Variants in CERS6 observed in about 807,000 individuals in gnomAD.
CERS6 encodes LAG1 homolog, ceramide synthase 6.
A neutral mutation model predicts 56.8 loss-of-function variants in CERS6; 26 were observed. The observed-to-expected ratio is 0.46, with a 90% CI of 0.34 to 0.63. CERS6 has a LOEUF of 0.63. Among genes scored for constraint, CERS6 ranks in the 30% least tolerant of loss-of-function variants. The pLI is 0.01. For synonymous variants in CERS6, 164 were observed against 173.3 expected (o/e 0.95, Z 0.42); for missense variants, 415 against 467.5 (o/e 0.89, Z 1.04).
At chr2:168,601,819 A>T (rs1240649329) in intron 3 of CERS6, among the ~76,000 whole-genome samples, 1 of 152,080 alleles carries the variant, frequency 6.6e-6, no homozygotes, top group Non-Finnish European at 1.5e-5. Context: ...CATAGTGCTG[A>T]GATTACAGGC....
At chr2:168,624,229 A>G (rs1684539171) in intron 3 of CERS6, among the ~76,000 whole-genome samples, 1 of 152,196 alleles carries the variant, frequency 6.6e-6, no homozygotes, top group South Asian at 2.1e-4. Context: ...AAGAGTAAAC[A>G]AAGTCTTATT....
At chr2:168,744,746 C>T (rs574968622) in intron 8 of CERS6, among the ~76,000 whole-genome samples, 1 of 152,290 alleles carries the variant, frequency 6.6e-6, no homozygotes, top group South Asian at 2.1e-4. Flanking sequence ...CATCATGTCT[C>T]TACTGAGAGC....
chr2:168,486,562 G>A (rs78893518), intron 1 of CERS6, among the ~76,000 whole-genome samples: 9,870 of 145,638 alleles, frequency 0.068, 376 homozygotes, highest in East Asian at 0.16. Flanking sequence ...TAATTGTTCC[G>A]GAACCATTTG....
chr2:168,664,435 G>C (rs1459019037), intron 4 of CERS6, among the ~76,000 whole-genome samples: 2 of 152,164 alleles, frequency 1.3e-5, no homozygotes, highest in African/African-American at 4.8e-5. Context: ...TGGATCTTGT[G>C]CAAGAAAGAA....
intron 1 of CERS6, among the ~76,000 whole-genome samples, chr2:168,531,106 G>C (rs1000409563): frequency 6.6e-6 from 1 of 152,148 alleles, no homozygotes; most frequent in African/African-American, 2.4e-5. Flanking sequence ...TAGGATTCAG[G>C]CTGTTTATTC....
intron 1 of CERS6, among the ~76,000 whole-genome samples, chr2:168,517,261 T>C (rs544920255): frequency 6.6e-6 from 1 of 151,282 alleles, no homozygotes; most frequent in Non-Finnish European, 1.5e-5. Context: ...GGAGGCAGAG[T>C]TGGGTGGATC....
chr2:168,540,741 A>AT (rs905717145), intron 1 of CERS6, among the ~76,000 whole-genome samples: 8 of 152,164 alleles, frequency 5.3e-5, no homozygotes, highest in African/African-American at 1.9e-4. Flanking sequence ...TGTATTTCAA[A>AT]TTATTTTTCC....
intron 3 of CERS6, among the ~76,000 whole-genome samples, chr2:168,573,421 G>C (rs377086065): frequency 6.6e-6 from 1 of 152,174 alleles, no homozygotes; most frequent in South Asian, 2.1e-4. Context: ...TTTTATGATA[G>C]ATTTGGGGGA....
chr2:168,731,266 C>A (rs1683524431), intron 8 of CERS6, among the ~76,000 whole-genome samples: 1 of 152,148 alleles, frequency 6.6e-6, no homozygotes, highest in South Asian at 2.1e-4. Flanking sequence ...AGCCTCCTAC[C>A]TGCTAATTCT....
At chr2:168,535,619 A>G (rs1469006966) in intron 1 of CERS6, among the ~76,000 whole-genome samples, 3 of 147,238 alleles carry the variant, frequency 2.0e-5, no homozygotes, top group African/African-American at 7.5e-5. Flanking sequence ...TCAGATCGCC[A>G]CTGTTTATAG....
At chr2:168,476,987 A>G (rs1694083379) in intron 1 of CERS6, among the ~76,000 whole-genome samples, 1 of 152,132 alleles carries the variant, frequency 6.6e-6, no homozygotes, top group Non-Finnish European at 1.5e-5. Context: ...CTATGACAAA[A>G]TACCATAGAC....
In CERS6 at chr2:168,624,925, C is replaced by G. The variant is rs979077666; in HGVS notation, c.408-6060C>G. On this transcript the variant is annotated intron_variant, in intron 3 of 9. Coordinates refer to ENST00000305747, the MANE Select transcript of CERS6 (RefSeq NM_203463.3). ...GTGATTTATGTATTTTAAAGTAACACTAGATTGAAGTCTATATTTGTTCCT... is the reference window on the plus strand; with the variant it reads ...GTGATTTATGTATTTTAAAGTAACAGTAGATTGAAGTCTATATTTGTTCCT... Among the ~76,000 whole-genome samples, 5 of 152,238 alleles carry G rather than the reference C, an allele frequency of 3.3e-5. No individual in the cohort carries two copies. The South Asian group carries it at 1.0e-3, about 32-fold the overall frequency.
At chr2:168,695,951 A>G (rs1057108624) in intron 6 of CERS6, among the ~76,000 whole-genome samples, 6 of 152,190 alleles carry the variant, frequency 3.9e-5, no homozygotes, top group African/African-American at 1.4e-4. Context: ...TTTGAGTGTT[A>G]ACATGATCCT....
chr2:168,486,285 T>C (rs1337674232), intron 1 of CERS6, among the ~76,000 whole-genome samples: 3 of 152,168 alleles, frequency 2.0e-5, no homozygotes, highest in African/African-American at 7.2e-5. Flanking sequence ...TTTTCTCTCT[T>C]GTCCTTTTAT....
chr2:168,521,965 C>G (rs1694989954), intron 1 of CERS6, among the ~76,000 whole-genome samples: 1 of 152,146 alleles, frequency 6.6e-6, no homozygotes, highest in East Asian at 1.9e-4. Context: ...TATTGCCTTT[C>G]CACCTCCATC....
At chr2:168,525,668 AT>A (rs1315176999) in intron 1 of CERS6, among the ~76,000 whole-genome samples, 1 of 152,196 alleles carries the variant, frequency 6.6e-6, no homozygotes, top group Non-Finnish European at 1.5e-5. Flanking sequence ...AAATGATTTT[AT>A]TTTGGTAAGT....
At chr2:168,502,975 C>T (rs1354604397) in intron 1 of CERS6, among the ~76,000 whole-genome samples, 1 of 152,148 alleles carries the variant, frequency 6.6e-6, no homozygotes, top group Non-Finnish European at 1.5e-5. Context: ...GTGTCCCCAC[C>T]CAAATCTCAT....
At chr2:168,458,442 A>G (rs1318915404) in intron 1 of CERS6, among the ~76,000 whole-genome samples, 1 of 152,248 alleles carries the variant, frequency 6.6e-6, no homozygotes, top group East Asian at 1.9e-4. Context: ...CTGCCTCTAA[A>G]AAGATAAACA....
At chr2:168,466,010 C>CTT (rs35424614) in intron 1 of CERS6, among the ~76,000 whole-genome samples, 7,418 of 144,126 alleles carry the variant, frequency 0.051, 325 homozygotes, top group South Asian at 0.21. Context: ...TCAAGCACTG[C>CTT]TTTTTTTTTT....
Sources: gnomAD v4.1 joint callset for allele counts (sites outside exome capture counted in the v4.1 genomes callset) on GRCh38, gnomAD v4.1.1 for gene constraint, MANE v1.5 for transcripts, NCBI Gene and HGNC (gene_info 2026-07-23, HGNC 2026-07-21) for gene names.